ACYP2: variants seen among roughly 807,000 people sequenced by gnomAD.
The protein encoded by ACYP2 is acylphosphatase 2, also known as acylphosphatase-2.
ACYP2 carries 12 observed loss-of-function variants against 11.2 expected under a neutral mutation model. The observed-to-expected ratio is 1.08, with a 90% CI of 0.69 to 1.74. ACYP2 has a LOEUF of 1.74. ACYP2 is among the 40% of genes most tolerant of loss of function. The probability of loss-of-function intolerance (pLI) is 0.00; values close to 1 mark genes in which losing one functional copy is unlikely to be tolerated. For missense variants in ACYP2, 134 were observed against 101.9 expected (o/e 1.31, Z -1.35); for synonymous variants, 43 against 32.2 (o/e 1.33, Z -1.13).
intron 6 of ACYP2, among the ~76,000 whole-genome samples, chr2:54,201,136 C>T (rs1418239126): frequency 6.7e-6 from 1 of 149,258 alleles, no homozygotes. Context: ...GACAGAGTCT[C>T]GCTCTGTCGC....
chr2:54,015,683 AC>A (rs879653985), intron 2 of ACYP2, among the ~76,000 whole-genome samples: 7,121 of 148,562 alleles, frequency 0.048, 267 homozygotes, highest in African/African-American at 0.098. Context: ...ACACACACAC[AC>A]ACACGGCAGA....
At chr2:53,989,860 C>T (rs533670907) in intron 2 of ACYP2, among the ~76,000 whole-genome samples, 2 of 152,222 alleles carry the variant, frequency 1.3e-5, no homozygotes, top group Non-Finnish European at 2.9e-5. Flanking sequence ...GTGGTGGCAG[C>T]AGCATCTCCA....
chr2:54,068,196 T>G (rs1446432936), intron 4 of ACYP2, among the ~76,000 whole-genome samples: 1 of 152,202 alleles, frequency 6.6e-6, no homozygotes, highest in South Asian at 2.1e-4. Context: ...GGATGACTCA[T>G]GTTTTTGTTG....
At chr2:54,159,269 G>C (rs192078111) in intron 6 of ACYP2, among the ~76,000 whole-genome samples, 2 of 151,842 alleles carry the variant, frequency 1.3e-5, no homozygotes, top group East Asian at 1.9e-4. Flanking sequence ...ATTCGGTCAC[G>C]TGAAGGTGGC....
chr2:54,200,585 G>T (rs1684714272), intron 6 of ACYP2, among the ~76,000 whole-genome samples: 1 of 152,156 alleles, frequency 6.6e-6, no homozygotes, highest in Non-Finnish European at 1.5e-5. Context: ...GTAGTAGCAT[G>T]TATCAGTGAT....
At chr2:54,295,830 G>A (rs1053592866) in intron 6 of ACYP2, among the ~76,000 whole-genome samples, 1 of 151,734 alleles carries the variant, frequency 6.6e-6, no homozygotes, top group African/African-American at 2.4e-5. Context: ...GCGCGATCTC[G>A]GCTCACTGCA....
intron 2 of ACYP2, among the ~76,000 whole-genome samples, chr2:54,031,463 T>G (rs1279600365): frequency 6.6e-6 from 1 of 152,112 alleles, no homozygotes; most frequent in Admixed American, 6.6e-5. Context: ...ACTCATCCTT[T>G]TTTATGGCTG....
At chr2:54,250,994 G>C (rs1038089922) in intron 6 of ACYP2, among the ~76,000 whole-genome samples, 1 of 152,236 alleles carries the variant, frequency 6.6e-6, no homozygotes, top group South Asian at 2.1e-4. Flanking sequence ...GGTGACGCCA[G>C]TCTTCAGAAT....
chr2:54,036,210 T>A, intron 2 of ACYP2, among the ~76,000 whole-genome samples: 1 of 152,224 alleles, frequency 6.6e-6, no homozygotes. Context: ...TTCTCCTGCC[T>A]CAGCTCCACA....
At chr2:54,176,032 T>C (rs977723555) in intron 6 of ACYP2, among the ~76,000 whole-genome samples, 1 of 152,158 alleles carries the variant, frequency 6.6e-6, no homozygotes, top group Non-Finnish European at 1.5e-5. Context: ...AACAGGCCCT[T>C]ATCAGGCACT....
In ACYP2 at chr2:54,120,922, G is replaced by A. The variant is rs565280537; in HGVS notation, c.278-14531G>A. Among the ~76,000 whole-genome samples, 29 of 152,230 alleles carry A rather than the reference G, an allele frequency of 1.9e-4. No homozygotes were observed. The South Asian group carries it at 2.7e-3, about 14-fold the overall frequency. On this transcript the variant is annotated intron_variant, in intron 4 of 6. Transcript: ENST00000607452. ...AGCCTCCAGAAAGTGTTACACTGTC[G>A]TTCATTTCTGCTGTCTGCAGCTTCA...
At chr2:54,043,967 G>T (rs1342660211) in intron 2 of ACYP2, among the ~76,000 whole-genome samples, 2 of 152,074 alleles carry the variant, frequency 1.3e-5, no homozygotes, top group African/African-American at 4.8e-5. Flanking sequence ...ATGTATGTGA[G>T]GATGAGAAAT....
At chr2:54,077,899 A>G (rs1677431357) in intron 4 of ACYP2, among the ~76,000 whole-genome samples, 1 of 152,100 alleles carries the variant, frequency 6.6e-6, no homozygotes, top group African/African-American at 2.4e-5. Flanking sequence ...GAAATGCTAG[A>G]CTAGGACTAT....
intron 2 of ACYP2, among the ~76,000 whole-genome samples, chr2:54,017,253 G>GTTTCC: frequency 1.5e-5 from 2 of 129,950 alleles, no homozygotes; most frequent in East Asian, 4.3e-4. Context: ...TGGCCGTTAA[G>GTTTCC]TTTCTTTTCT....
chr2:54,132,932 T>A lies in ACYP2; in HGVS notation c.278-2521T>A, dbSNP rs148600710. Reference sequence around the variant, plus strand: ...GCTAATTTTTGTATTTTTCTTGAGATGGGATTTCACCATATTGGTCAGGCT... The same window carrying A: ...GCTAATTTTTGTATTTTTCTTGAGAAGGGATTTCACCATATTGGTCAGGCT... On this transcript the variant is annotated intron_variant, in intron 4 of 6. Transcript: ENST00000607452. Among the ~76,000 whole-genome samples the A allele has an allele frequency of 4.0e-3, 615 of 152,128 alleles. 3 individuals are homozygous for A. The highest frequency in any genetic ancestry group is 6.5e-3 in the Non-Finnish European group (440 of 67,968).
chr2:54,137,195 C>T lies in ACYP2; in HGVS notation c.295-1444C>T, dbSNP rs1453894170. Among the ~76,000 whole-genome samples the T allele has an allele frequency of 5.4e-5, 8 of 148,844 alleles. No individual in the cohort carries two copies. The East Asian group carries it at 1.5e-3, about 29-fold the overall frequency. On this transcript the variant is annotated intron_variant, in intron 5 of 6. Transcript: ENST00000607452. The stretch of plus-strand genomic sequence containing the variant: ...TGCCAAGTCCAGAGCCAACAGAAAA[C>T]ATCAGAATCTTTTAGTCTTATAAAA...
At chr2:54,241,961 C>G (rs1383559229) in intron 6 of ACYP2, among the ~76,000 whole-genome samples, 1 of 152,072 alleles carries the variant, frequency 6.6e-6, no homozygotes, top group Non-Finnish European at 1.5e-5. Context: ...TTGCAGTGAG[C>G]CAAGATCACG....
chr2:53,980,568 TAAAG>T (rs1478753497), intron 2 of ACYP2, among the ~76,000 whole-genome samples: 5 of 151,830 alleles, frequency 3.3e-5, no homozygotes, highest in African/African-American at 7.3e-5. Context: ...AATAAAAAAA[TAAAG>T]AAAATACCAT....
intron 6 of ACYP2, among the ~76,000 whole-genome samples, chr2:54,245,370 T>C (rs6736179): frequency 0.015 from 2,210 of 152,322 alleles, 42 homozygotes; most frequent in African/African-American, 0.051. Flanking sequence ...TTCAATGTAC[T>C]GATTTCCTTT....
Sources: allele counts gnomAD v4.1 joint callset (sites outside exome capture counted in the v4.1 genomes callset), GRCh38; gene constraint gnomAD v4.1.1; transcripts MANE v1.5; gene names NCBI Gene and HGNC (gene_info 2026-07-23, HGNC 2026-07-21).